The following WBP1L variants were observed in gnomAD, a reference collection of about 807,000 sequenced individuals.
The protein encoded by WBP1L is WW domain binding protein 1 like, also known as WW domain binding protein 1-like.
Under a neutral mutation model 33.7 loss-of-function variants are expected in WBP1L, and 17 were observed. The ratio of observed to expected loss-of-function variants is 0.50; its 90% CI spans 0.34 to 0.76. WBP1L has a LOEUF of 0.76. WBP1L is among the 30% of genes least tolerant of loss of function. WBP1L has a pLI of 0.01. For synonymous variants in WBP1L, 173 were observed against 190.8 expected (o/e 0.91, Z 0.77); for missense variants, 389 against 469.4 (o/e 0.83, Z 1.58).
chr10:102,753,917 C>T (rs1842946941), intron 1 of WBP1L, among the ~76,000 whole-genome samples: 1 of 152,184 alleles, frequency 6.6e-6, no homozygotes, highest in Non-Finnish European at 1.5e-5. Flanking sequence ...ATTACACATT[C>T]TTTCAGATCA....
chr10:102,794,369 C>T (rs915791013), intron 1 of WBP1L, among the ~76,000 whole-genome samples: 2 of 152,242 alleles, frequency 1.3e-5, no homozygotes, highest in East Asian at 1.9e-4. Flanking sequence ...ATCCCAGCTA[C>T]TCGGGAGGCT....
At chr10:102,805,805 G>A (rs1291739382) in intron 2 of WBP1L, among the ~76,000 whole-genome samples, 1 of 151,730 alleles carries the variant, frequency 6.6e-6, no homozygotes, top group African/African-American at 2.4e-5. Context: ...GGCCAGAGCG[G>A]GAGGATCACC....
intron 1 of WBP1L, 66 bp from the exon 2 acceptor site, chr10:102,797,927 A>G (rs548948104): frequency 1.4e-5 from 20 of 1,385,430 alleles, no homozygotes; most frequent in Non-Finnish European, 1.8e-5. Flanking sequence ...CAGGAGGACA[A>G]TGATGAGAAG....
intron 1 of WBP1L, among the ~76,000 whole-genome samples, chr10:102,762,766 A>G (rs1045152635): frequency 3.3e-5 from 5 of 152,218 alleles, no homozygotes; most frequent in Non-Finnish European, 4.4e-5. Context: ...CCCTGCCAGC[A>G]TATCTTCTCC....
At chr10:102,753,507 G>C (rs906252988) in intron 1 of WBP1L, among the ~76,000 whole-genome samples, 2 of 152,192 alleles carry the variant, frequency 1.3e-5, no homozygotes, top group African/African-American at 2.4e-5. Flanking sequence ...CTGATCTGGG[G>C]ATTAAGTAGG....
intron 1 of WBP1L, among the ~76,000 whole-genome samples, chr10:102,785,088 G>T (rs1843396624): frequency 1.3e-5 from 2 of 150,496 alleles, no homozygotes; most frequent in Admixed American, 6.6e-5. Context: ...TAGCCGGGCA[G>T]ATCTTGAACT....
At chr10:102,795,492 C>T (rs1278795752) in intron 1 of WBP1L, among the ~76,000 whole-genome samples, 2 of 152,194 alleles carry the variant, frequency 1.3e-5, no homozygotes, top group African/African-American at 4.8e-5. Context: ...TCCAGGCCCC[C>T]TGCCTCGGTG....
chr10:102,814,213 G>A lies in WBP1L; in HGVS notation c.*882G>A, dbSNP rs965838940. 6.6e-5 allele frequency: 10 copies of A among 152,218 alleles called. No homozygotes were observed. The East Asian group carries it at 1.9e-3, about 29-fold the overall frequency. The allele number at this position is 152,218 out of a possible 1,614,324, so 9.4% of individuals were successfully genotyped here. On this transcript the variant is annotated 3_prime_UTR_variant, in exon 4 of 4. Transcript: ENST00000448841. ...AGAAGATGTCTCGTGTGAAGGCTGGGGTGGCGGCTGTCTTGGAACCTCTGT... is the reference window on the plus strand; with the variant it reads ...AGAAGATGTCTCGTGTGAAGGCTGGAGTGGCGGCTGTCTTGGAACCTCTGT...
chr10:102,785,057 A>G (rs1843396085), intron 1 of WBP1L, among the ~76,000 whole-genome samples: 1 of 151,438 alleles, frequency 6.6e-6, no homozygotes, highest in African/African-American at 2.4e-5. Context: ...TGTATTTTGT[A>G]GAGACAGGGT....
rs1261622905 is a variant in WBP1L at position 102,814,135 on chromosome 10, G to A, written c.*804G>A. 1.3e-5 allele frequency: 2 copies of A among 152,302 alleles called. No individual in the cohort carries two copies. The highest frequency in any genetic ancestry group is 2.1e-4 in the South Asian group (1 of 4,830). The allele number at this position is 152,302 out of a possible 1,614,324, so 9.4% of individuals were successfully genotyped here. A position where few individuals can be genotyped will look rare whatever the true frequency, so the allele number is the denominator to read the frequency against. ...CAAGAATTCTCTTCTGGAAAATGACGTTTGTGGCTCTTTCCCAAGTTGGCC... is the reference window on the plus strand; with the variant it reads ...CAAGAATTCTCTTCTGGAAAATGACATTTGTGGCTCTTTCCCAAGTTGGCC... On this transcript the variant is annotated 3_prime_UTR_variant, in exon 4 of 4. Coordinates refer to ENST00000448841, the MANE Select transcript of WBP1L (RefSeq NM_001083913.2).
intron 2 of WBP1L, among the ~76,000 whole-genome samples, chr10:102,799,952 G>A (rs990474747): frequency 5.9e-5 from 9 of 152,106 alleles, no homozygotes; most frequent in Middle Eastern, 3.2e-3. Flanking sequence ...GACTGAGGAC[G>A]GGCTCATCTG....
intron 1 of WBP1L, 59 bp from the exon 2 acceptor site, chr10:102,797,934 G>C: frequency 6.9e-7 from 1 of 1,442,318 alleles, no homozygotes; most frequent in Non-Finnish European, 9.7e-7. Context: ...ACAATGATGA[G>C]AAGGAAAGTG....
intron 1 of WBP1L, chr10:102,744,551 G>A: frequency 1.1e-6 from 1 of 920,148 alleles, no homozygotes; most frequent in Non-Finnish European, 1.3e-6. Context: ...TGAGGGAGGG[G>A]ATCCTGAGGA....
chr10:102,800,893 A>G (rs138638673), intron 2 of WBP1L, among the ~76,000 whole-genome samples: 1 of 152,314 alleles, frequency 6.6e-6, no homozygotes, highest in Non-Finnish European at 1.5e-5. Flanking sequence ...TTCCTCAGCC[A>G]GGAAATCCTT....
intron 1 of WBP1L, chr10:102,744,547 A>G (rs1038656225): frequency 5.3e-6 from 5 of 937,238 alleles, no homozygotes; most frequent in South Asian, 9.8e-5. Context: ...CCTGTGAGGG[A>G]GGGGATCCTG....
At chr10:102,765,245 C>G (rs188767506) in intron 1 of WBP1L, among the ~76,000 whole-genome samples, 38 of 151,336 alleles carry the variant, frequency 2.5e-4, no homozygotes, top group Non-Finnish European at 4.9e-4. Context: ...TTTTATGATC[C>G]TTTTTTTTTC....
chr10:102,805,987 G>A (rs1054931778), intron 2 of WBP1L, among the ~76,000 whole-genome samples: 5 of 151,130 alleles, frequency 3.3e-5, no homozygotes, highest in African/African-American at 1.2e-4. Context: ...GATCACTTGA[G>A]CTCAGGATTT....
rs990668395 is a variant in WBP1L, at chr10:102,813,225, G to A, written c.986G>A (p.Arg329Gln). 116 of 1,612,550 alleles carry A rather than the reference G, an allele frequency of 7.2e-5. No individual in the cohort carries two copies. In the Admixed American group the frequency reaches 1.2e-3, roughly 16 times the overall value. Residue 329 changes from arginine (R) to glutamine (Q), a missense_variant, in exon 4 of 4, where the codon CGA (arginine) becomes CAA (glutamine). Arg to Gln is a conservative substitution (Grantham distance 43). Transcript: ENST00000448841. Reference sequence around the variant, plus strand: ...TGTCAGTCCTCTGAGGAGCAGGCTCGAGAGCCTGGGCACCCGCACCTGCCA... The same window carrying A: ...TGTCAGTCCTCTGAGGAGCAGGCTCAAGAGCCTGGGCACCCGCACCTGCCA... ...GLCQSSEEQAREPGHPHLPRP... is the reference protein window; with the variant it reads ...GLCQSSEEQAQEPGHPHLPRP...
At chr10:102,775,489 T>C (rs1345762947) in intron 1 of WBP1L, among the ~76,000 whole-genome samples, 1 of 152,216 alleles carries the variant, frequency 6.6e-6, no homozygotes, top group Non-Finnish European at 1.5e-5. Flanking sequence ...TAAATATAGA[T>C]GATCTGCCTT....
Sources: allele counts gnomAD v4.1 joint callset (sites outside exome capture counted in the v4.1 genomes callset), GRCh38; gene constraint gnomAD v4.1.1; transcripts MANE v1.5; gene names NCBI Gene and HGNC (gene_info 2026-07-23, HGNC 2026-07-21).